MROH7: variants seen among roughly 807,000 people sequenced by gnomAD.
MROH7 encodes maestro heat-like repeat-containing protein family member 7.
Under a neutral mutation model 129.2 loss-of-function variants are expected in MROH7, and 113 were observed. The observed-to-expected ratio is 0.87, with a 90% CI of 0.75 to 1.02. The LOEUF (loss-of-function observed/expected upper bound fraction) is 1.02. MROH7 is among the 50% of genes least tolerant of loss of function. The pLI, the probability that MROH7 is intolerant of heterozygous loss-of-function variation, is 0.00. For missense variants in MROH7, 1,601 were observed against 1,671.3 expected (o/e 0.96, Z 0.73); for synonymous variants, 655 against 667.9 (o/e 0.98, Z 0.30).
chr1:54,695,473 A>G lies in MROH7; in HGVS notation c.2947A>G (p.Thr983Ala), dbSNP rs1645305867. The stretch of plus-strand genomic sequence containing the variant: ...CGACGAGAAGCACAGGATCACGGCC[A>G]CCGCCTTCTTCGTGGAGGTACCAAC... ...RGDEKHRITA[T>A]AFFVELLQME... The change falls in exon 17 of 24, where the codon ACC becomes GCC. Residue 983 changes from threonine (T) to alanine (A), a missense_variant. Thr to Ala is a moderately conservative substitution (Grantham distance 58). Coordinates refer to ENST00000421030, the MANE Select transcript of MROH7 (RefSeq NM_001039464.4). The G allele has an allele frequency of 2.5e-6, 4 of 1,613,406 alleles. No individual in the cohort carries two copies. Among genetic ancestry groups the G allele is most frequent in the African/African-American group, 1.3e-5 (1 of 74,924 alleles).
intron 21 of MROH7, 68 bp from the exon 22 acceptor site, chr1:54,706,367 C>T: frequency 3.4e-6 from 4 of 1,178,696 alleles, no homozygotes; most frequent in Non-Finnish European, 5.0e-6. Context: ...TTCCTAGCTT[C>T]AAGAAGGGTG....
intron 22 of MROH7, 143 bp from the exon 23 acceptor site, chr1:54,708,871 G>T (rs1232485068): frequency 1.2e-5 from 9 of 721,612 alleles, no homozygotes; most frequent in Admixed American, 1.0e-4. Flanking sequence ...TCTGTCCCAG[G>T]GTCCAAATGA....
chr1:54,704,953 C>T (rs1645508758), intron 21 of MROH7, among the ~76,000 whole-genome samples: 1 of 152,036 alleles, frequency 6.6e-6, no homozygotes, highest in African/African-American at 2.4e-5. Flanking sequence ...GCATATGCCA[C>T]CACACCTGGC....
intron 17 of MROH7, chr1:54,698,556 G>T (rs72907963): frequency 0.015 from 2,316 of 153,072 alleles, 53 homozygotes; most frequent in African/African-American, 0.054. Context: ...CAGACACACG[G>T]GCTCAACAGT....
rs199819316 is a variant in MROH7, at chr1:54,692,995, TAGTC to T, written c.2849+437_2849+440del. 8.2e-3 allele frequency among the ~76,000 whole-genome samples: 1,240 copies of T among 152,124 alleles called. 14 individuals carry two copies. Among genetic ancestry groups the T allele is most frequent in the African/African-American group, 0.029 (1,193 of 41,470 alleles). On this transcript the variant is annotated intron_variant, in intron 16 of 23. Transcript: ENST00000421030. ...CTTTCCTTCAATAGCATGGAAATAA[TAGTC>T]AGACCCACCTCTGAGGGTTGGGGTG...
intron 1 of MROH7, 182 bp from the exon 2 acceptor site, chr1:54,651,767 T>C (rs951498795): frequency 1.3e-5 from 2 of 150,942 alleles, no homozygotes; most frequent in African/African-American, 4.9e-5. Flanking sequence ...TTCACTTCCT[T>C]ATGTATAAAT....
intron 1 of MROH7, among the ~76,000 whole-genome samples, chr1:54,644,038 C>T (rs1274499792): frequency 6.6e-6 from 1 of 151,896 alleles, no homozygotes; most frequent in Non-Finnish European, 1.5e-5. Flanking sequence ...GGCATGGATT[C>T]CTTTAGATTT....
chr1:54,644,897 C>A (rs1214271906), intron 1 of MROH7, among the ~76,000 whole-genome samples: 1 of 151,668 alleles, frequency 6.6e-6, no homozygotes, highest in African/African-American at 2.4e-5. Flanking sequence ...GCAACCTTTG[C>A]CTCCCAGATT....
chr1:54,662,665 A>G (rs574303803), intron 3 of MROH7, among the ~76,000 whole-genome samples: 2 of 152,344 alleles, frequency 1.3e-5, no homozygotes, highest in South Asian at 2.1e-4. Flanking sequence ...AGGATAAAAT[A>G]TAACTATCAC....
chr1:54,696,086 T>G (rs1025199404), intron 17 of MROH7, among the ~76,000 whole-genome samples: 1 of 152,162 alleles, frequency 6.6e-6, no homozygotes, highest in Non-Finnish European at 1.5e-5. Context: ...ACTTAATATC[T>G]TCCAAGCATG....
chr1:54,671,054 A>G, intron 7 of MROH7, 125 bp downstream of exon 7: 2 of 1,088,738 alleles, frequency 1.8e-6, no homozygotes, highest in Non-Finnish European at 2.6e-6. Flanking sequence ...TGTTGGTCTG[A>G]GTAGGTACTT....
chr1:54,709,168 C>A (rs1035315422), intron 23 of MROH7, 92 bp downstream of exon 23: 1 of 1,254,872 alleles, frequency 8.0e-7, no homozygotes, highest in African/African-American at 1.5e-5. Context: ...AGGGATGTGT[C>A]CCAAGACAAG....
intron 3 of MROH7, among the ~76,000 whole-genome samples, chr1:54,658,477 T>C (rs1258936117): frequency 6.6e-6 from 1 of 152,226 alleles, no homozygotes; most frequent in Non-Finnish European, 1.5e-5. Context: ...GCTTTTTTAA[T>C]AGGAGCATTT....
In MROH7 at chr1:54,687,122, G is replaced by T. The variant is rs1645161309; in HGVS notation, c.2711+674G>T. Among the ~76,000 whole-genome samples, 3 of 152,010 alleles carry T rather than the reference G, an allele frequency of 2.0e-5. No homozygotes were observed. The South Asian group carries it at 6.3e-4, about 32-fold the overall frequency. On this transcript the variant is annotated intron_variant, in intron 15 of 23. Transcript: ENST00000421030. The stretch of plus-strand genomic sequence containing the variant: ...GGAGTCTCGCTCTGTCGCCCAGGCT[G>T]GAGTGCAGTGGCGCAATCTCAGCTC...
At chr1:54,680,473 T>A (rs1051783473) in intron 13 of MROH7, among the ~76,000 whole-genome samples, 9 of 151,856 alleles carry the variant, frequency 5.9e-5, no homozygotes. Context: ...GTCCTCTCTT[T>A]CCCCCTTAGG....
chr1:54,705,639 T>C (rs1645520950), intron 21 of MROH7, among the ~76,000 whole-genome samples: 1 of 152,062 alleles, frequency 6.6e-6, no homozygotes, highest in African/African-American at 2.4e-5. Flanking sequence ...TAGGAGCAAT[T>C]TCTTGTAGAA....
chr1:54,704,272 T>G (rs1212768856), intron 21 of MROH7, among the ~76,000 whole-genome samples: 1 of 152,082 alleles, frequency 6.6e-6, no homozygotes, highest in African/African-American at 2.4e-5. Context: ...CAGTGGCCAG[T>G]GACCAGGCAG....
chr1:54,654,304 T>C, intron 3 of MROH7, 147 bp downstream of exon 3: 1 of 843,718 alleles, frequency 1.2e-6, no homozygotes, highest in Middle Eastern at 3.6e-4. Flanking sequence ...AGACATCTAA[T>C]AATCGGCCTC....
At chr1:54,687,354 C>T (rs921909304) in intron 15 of MROH7, among the ~76,000 whole-genome samples, 2 of 152,206 alleles carry the variant, frequency 1.3e-5, no homozygotes, top group Non-Finnish European at 1.5e-5. Context: ...GGATTATAGG[C>T]GTGAGCCACT....
Sources: gnomAD v4.1 joint callset for allele counts (sites outside exome capture counted in the v4.1 genomes callset) on GRCh38, gnomAD v4.1.1 for gene constraint, MANE v1.5 for transcripts, NCBI Gene and HGNC (gene_info 2026-07-23, HGNC 2026-07-21) for gene names.